The following SCOC variants were observed in gnomAD, a reference collection of about 807,000 sequenced individuals.
SCOC encodes short coiled-coil protein, also known as short coiled coil protein.
A neutral mutation model predicts 9.9 loss-of-function variants in SCOC; 7 were observed. The ratio of observed to expected loss-of-function variants is 0.71; its 90% CI spans 0.40 to 1.33. The LOEUF (loss-of-function observed/expected upper bound fraction) is 1.33. Ranked by LOEUF, SCOC falls within the 40% of genes most tolerant of loss-of-function variation. The probability of loss-of-function intolerance (pLI) is 0.01; values close to 1 mark genes in which losing one functional copy is unlikely to be tolerated. For synonymous variants in SCOC, 19 were observed against 28.2 expected, an observed-to-expected ratio of 0.67 and a Z score of 1.03; for missense variants, 66 against 89.7, an observed-to-expected ratio of 0.74 and a Z score of 1.07.
rs1727659167 is a variant in SCOC at position 140,363,442 on chromosome 4, G to A, written c.71-15679G>A. Among the ~76,000 whole-genome samples the A allele has an allele frequency of 3.3e-5, 5 of 152,140 alleles. No homozygotes were observed. The South Asian group carries it at 1.0e-3, about 32-fold the overall frequency. ...AGCCTAGAAATATATAAAAAATTAG[G>A]TATGTCACAAATGCATAAACATATG... is the stretch of plus-strand genomic sequence containing the variant. On this transcript the variant is annotated intron_variant, in intron 2 of 4. Transcript: ENST00000338517.
At chr4:140,258,070 C>G (rs1473873865) in intron 1 of SCOC, among the ~76,000 whole-genome samples, 1 of 152,228 alleles carries the variant, frequency 6.6e-6, no homozygotes. Context: ...TGCTCCCACT[C>G]TCAGCCTGCC....
intron 1 of SCOC, among the ~76,000 whole-genome samples, chr4:140,316,706 A>C (rs1206534556): frequency 6.6e-6 from 1 of 152,148 alleles, no homozygotes; most frequent in Non-Finnish European, 1.5e-5. Context: ...AATCATTACA[A>C]TTGAGGGCAT....
chr4:140,263,581 C>A (rs746269032), intron 1 of SCOC, among the ~76,000 whole-genome samples: 2 of 152,046 alleles, frequency 1.3e-5, no homozygotes, highest in Non-Finnish European at 2.9e-5. Context: ...TCTGACAGAG[C>A]AAATGGAAGA....
At chr4:140,346,537 TC>T (rs1726748487) in intron 2 of SCOC, among the ~76,000 whole-genome samples, 1 of 152,190 alleles carries the variant, frequency 6.6e-6, no homozygotes, top group African/African-American at 2.4e-5. Flanking sequence ...TTCTACTAAC[TC>T]TTGAGAAGGT....
At chr4:140,299,097 C>T (rs921003390) in intron 1 of SCOC, among the ~76,000 whole-genome samples, 2 of 152,210 alleles carry the variant, frequency 1.3e-5, no homozygotes, top group African/African-American at 4.8e-5. Flanking sequence ...GGATTACAGG[C>T]ATGAGCCACC....
upstream of SCOC, among the ~76,000 whole-genome samples, chr4:140,342,473 T>C (rs1726548986): frequency 6.6e-6 from 1 of 152,174 alleles, no homozygotes; most frequent in Non-Finnish European, 1.5e-5. Context: ...GCACTTAATA[T>C]TTGCAGAATA....
chr4:140,362,305 T>TTTTTTTTC (rs1727588803), intron 2 of SCOC, among the ~76,000 whole-genome samples: 1 of 9,240 alleles, frequency 1.1e-4, no homozygotes, highest in Non-Finnish European at 2.6e-4. Flanking sequence ...TCTTCTTTTT[T>TTTTTTTTC]TTTTTTTTTT....
intron 1 of SCOC, among the ~76,000 whole-genome samples, chr4:140,377,615 A>G (rs141830699): frequency 4.2e-4 from 64 of 152,328 alleles, no homozygotes; most frequent in African/African-American, 1.4e-3. Context: ...AAGTTTATGT[A>G]TATGTACACT....
At chr4:140,330,285 C>T (rs900106450) in intron 1 of SCOC, among the ~76,000 whole-genome samples, 39 of 152,036 alleles carry the variant, frequency 2.6e-4, no homozygotes, top group African/African-American at 8.5e-4. Flanking sequence ...TTGGACTTTG[C>T]GGACTTGGGA....
intron 1 of SCOC, among the ~76,000 whole-genome samples, chr4:140,276,570 G>T (rs114967888): frequency 1.3e-5 from 2 of 151,464 alleles, no homozygotes; most frequent in Non-Finnish European, 2.9e-5. Flanking sequence ...TTCTCTCTGC[G>T]TCAGCCTCCT....
Position 140,379,209 on chromosome 4 carries a change from C to G in SCOC, c.22+17C>G, listed in dbSNP as rs1560732234. 6.5e-7 allele frequency: 1 copy of G among 1,543,872 alleles called. No individual in the cohort carries two copies. On this transcript the variant is annotated intron_variant, in intron 2 of 3. Coordinates refer to ENST00000608372, the MANE Select transcript of SCOC (RefSeq NM_001153484.2). ...ACATGGATGGTATGTTCTTCATTTT[C>G]TTTTTTGTATACTCCTGGTTTTGTG...
chr4:140,365,046 A>T (rs1352011900), intron 2 of SCOC, among the ~76,000 whole-genome samples: 1 of 152,210 alleles, frequency 6.6e-6, no homozygotes, highest in Non-Finnish European at 1.5e-5. Context: ...TATAAAAAAA[A>T]GTTGTGAAGG....
At chr4:140,299,159 C>T (rs148132940) in intron 1 of SCOC, among the ~76,000 whole-genome samples, 16 of 152,042 alleles carry the variant, frequency 1.1e-4, no homozygotes, top group African/African-American at 3.6e-4. Flanking sequence ...ATAGTAGGTG[C>T]GTATATTTAT....
At position 140,381,160 on chromosome 4, in the gene SCOC, C is replaced by G; in HGVS notation, c.*56C>G. On this transcript the variant is annotated 3_prime_UTR_variant, in exon 4 of 4. Coordinates refer to ENST00000608372, the MANE Select transcript of SCOC (RefSeq NM_001153484.2). ...GCTGCTGATCATTTTTTCTTTAAAA[C>G]TTGGATAGATTCCAAAAGTTACAGT... 1 of 1,517,962 alleles carries G rather than the reference C, an allele frequency of 6.6e-7. No homozygotes were observed. The highest frequency in any genetic ancestry group is 1.3e-5 in the South Asian group (1 of 75,784). 94.0% of individuals were successfully genotyped at this position (1,517,962 alleles called of 1,614,324 possible).
intron 1 of SCOC, among the ~76,000 whole-genome samples, chr4:140,325,007 A>C (rs190286927): frequency 1.3e-5 from 2 of 152,252 alleles, no homozygotes; most frequent in African/African-American, 4.8e-5. Flanking sequence ...AACAGAAAAG[A>C]GAATTCATAA....
At chr4:140,302,957 T>C in intron 1 of SCOC, among the ~76,000 whole-genome samples, 1 of 149,522 alleles carries the variant, frequency 6.7e-6, no homozygotes, top group Non-Finnish European at 1.5e-5. Flanking sequence ...CAATTTTATG[T>C]TTGAAAAATT....
intron 1 of SCOC, among the ~76,000 whole-genome samples, chr4:140,278,539 T>C (rs1578763635): frequency 6.6e-6 from 1 of 152,264 alleles, no homozygotes; most frequent in East Asian, 1.9e-4. Flanking sequence ...GACCTTGTTG[T>C]CCACCCGCCT....
At chr4:140,373,343 A>C (rs909988657), upstream of SCOC, 154 of 1,418,934 alleles carry the variant, frequency 1.1e-4, no homozygotes, top group Middle Eastern at 4.9e-4. Flanking sequence ...TCCAATTCTC[A>C]GGTTTCCTGA....
At chr4:140,378,325 C>T (rs527520586) in intron 1 of SCOC, among the ~76,000 whole-genome samples, 1 of 151,944 alleles carries the variant, frequency 6.6e-6, no homozygotes, top group Middle Eastern at 3.4e-3. Flanking sequence ...ATACCGTCAT[C>T]CTTAATATCA....
Sources: gnomAD v4.1 joint callset for allele counts (sites outside exome capture counted in the v4.1 genomes callset) on GRCh38, gnomAD v4.1.1 for gene constraint, MANE v1.5 for transcripts, NCBI Gene and HGNC (gene_info 2026-07-23, HGNC 2026-07-21) for gene names.